GUCY1B1: variants seen among roughly 807,000 people sequenced by gnomAD.
GUCY1B1 encodes the protein guanylate cyclase 1 soluble subunit beta 1, also known as guanylate cyclase soluble subunit beta-1.
GUCY1B1 carries 43 observed loss-of-function variants against 71.0 expected under a neutral mutation model. The observed-to-expected ratio is 0.61, with a 90% CI of 0.47 to 0.78. The LOEUF (loss-of-function observed/expected upper bound fraction) is 0.78. GUCY1B1 is among the 30% of genes least tolerant of loss of function. The pLI is 0.00. For missense variants in GUCY1B1, 535 were observed against 754.1 expected (o/e 0.71, Z 3.40); for synonymous variants, 266 against 259.7 (o/e 1.02, Z -0.23).
rs746722023 is a variant in GUCY1B1, at chr4:155,778,108, TC to T, written c.297+467del. On this transcript the variant is annotated intron_variant, in intron 4 of 13. Transcript: ENST00000264424. ...TGTTTAGGAAAAAGTAGTAGGGTTT[TC>T]AGGTGTTCTGTCACCAAAACATACT... Among the ~76,000 whole-genome samples, 118 of 152,344 alleles carry T rather than the reference TC, an allele frequency of 7.7e-4. 1 individual carries two copies. The highest frequency in any genetic ancestry group is 1.4e-3 in the Non-Finnish European group (96 of 68,022).
chr4:155,776,794 T>C (rs965509929), intron 3 of GUCY1B1, among the ~76,000 whole-genome samples: 1 of 152,166 alleles, frequency 6.6e-6, no homozygotes, highest in East Asian at 1.9e-4. Flanking sequence ...AATATACATA[T>C]TTATATAAAG....
chr4:155,795,142 C>A (rs1387026274), intron 6 of GUCY1B1, among the ~76,000 whole-genome samples, 199 bp from the exon 7 acceptor site: 5 of 152,118 alleles, frequency 3.3e-5, no homozygotes, highest in Non-Finnish European at 7.4e-5. Flanking sequence ...GTTCTTGTAA[C>A]TATTTAATGT....
At chr4:155,799,731 C>T (rs189290642) in intron 8 of GUCY1B1, 146 bp from the exon 9 acceptor site, 73 of 487,388 alleles carry the variant, frequency 1.5e-4, no homozygotes, top group Non-Finnish European at 2.2e-4. Context: ...TCACAATCTT[C>T]GTTCAATTCT....
intron 4 of GUCY1B1, among the ~76,000 whole-genome samples, 194 bp from the exon 5 acceptor site, chr4:155,789,520 A>G (rs13139832): frequency 0.015 from 2,301 of 152,110 alleles, 35 homozygotes; most frequent in South Asian, 0.049. Flanking sequence ...TCTTAATTCT[A>G]CTATCTTAGT....
At position 155,802,865 on chromosome 4, in the gene GUCY1B1, T is replaced by C. The variant is rs1740055185; in HGVS notation, c.1413+286T>C. Among the ~76,000 whole-genome samples the C allele has an allele frequency of 6.6e-6, 1 of 152,250 alleles. No individual in the cohort carries two copies. The highest frequency in any genetic ancestry group is 2.4e-5 in the African/African-American group (1 of 41,476). On this transcript the variant is annotated intron_variant, in intron 10 of 13. Coordinates refer to ENST00000264424, the MANE Select transcript of GUCY1B1 (RefSeq NM_000857.5). The surrounding 1 kb of genome is among the most constrained non-coding windows in gnomAD (Gnocchi z 4.3). Reference sequence around the variant, plus strand: ...CTTAGGCTAACAAATCTGGACAGGCTGTTTATCACATGTAGTATAAACATA... The same window carrying C: ...CTTAGGCTAACAAATCTGGACAGGCCGTTTATCACATGTAGTATAAACATA...
intron 6 of GUCY1B1, among the ~76,000 whole-genome samples, chr4:155,794,896 G>C (rs1739441618): frequency 6.6e-6 from 1 of 152,074 alleles, no homozygotes; most frequent in African/African-American, 2.4e-5. Flanking sequence ...TTAGTTCATT[G>C]TAAGCAATCA....
chr4:155,774,820 G>C, intron 2 of GUCY1B1, 148 bp from the exon 3 acceptor site: 1 of 614,140 alleles, frequency 1.6e-6, no homozygotes, highest in Non-Finnish European at 2.9e-6. Flanking sequence ...AGAATTTTAG[G>C]TACATGATGA....
At chr4:155,785,333 A>C in intron 4 of GUCY1B1, 1 of 1,338,946 alleles carries the variant, frequency 7.5e-7, no homozygotes, top group Non-Finnish European at 1.0e-6. Context: ...CTGCAATGTA[A>C]GAGTTTACAT....
At position 155,794,080 on chromosome 4, in the gene GUCY1B1, C is replaced by T; in HGVS notation, c.720C>T (p.Leu240=). The T allele has an allele frequency of 1.3e-6, 2 of 1,565,304 alleles. No homozygotes were observed. The highest frequency in any genetic ancestry group is 2.2e-5 in the South Asian group (2 of 89,292). Residue 240 remains leucine (L), a synonymous_variant, in exon 6 of 14, where the codon CTC becomes CTT. Transcript: ENST00000264424. ...TQCGNAIYRV[L]PQLQPGNCSL... is the part of the protein sequence containing the mutation. ...GTGGCAATGCTATATACAGAGTTCTCCCCCAGGTAAAATGACAGCATACTT... is the reference window on the plus strand; with the variant it reads ...GTGGCAATGCTATATACAGAGTTCTTCCCCAGGTAAAATGACAGCATACTT...
chr4:155,772,575 C>T (rs529800303), intron 2 of GUCY1B1: 3 of 593,864 alleles, frequency 5.1e-6, no homozygotes, highest in African/African-American at 1.9e-5. Flanking sequence ...CGCCACCACA[C>T]CTGCCTAATT....
chr4:155,787,899 A>G (rs1176130034), intron 4 of GUCY1B1, among the ~76,000 whole-genome samples: 3 of 152,190 alleles, frequency 2.0e-5, no homozygotes, highest in Non-Finnish European at 2.9e-5. Flanking sequence ...TGAAAGCCAT[A>G]GTTTAATTTT....
At chr4:155,766,390 T>C (rs1447671537) in intron 2 of GUCY1B1, among the ~76,000 whole-genome samples, 1 of 152,200 alleles carries the variant, frequency 6.6e-6, no homozygotes, top group Non-Finnish European at 1.5e-5. Flanking sequence ...ATCACTGTAA[T>C]CAAGCCAATT....
intron 5 of GUCY1B1, among the ~76,000 whole-genome samples, chr4:155,790,694 C>G (rs937333595): frequency 6.6e-6 from 1 of 152,196 alleles, no homozygotes; most frequent in Admixed American, 6.5e-5. Context: ...ACCTATTAGA[C>G]AGTTCTTTCT....
chr4:155,769,257 A>C (rs1737544248), intron 2 of GUCY1B1, among the ~76,000 whole-genome samples: 1 of 152,168 alleles, frequency 6.6e-6, no homozygotes, highest in Admixed American at 6.5e-5. Context: ...CCCAAACTGC[A>C]CATGGGATTG....
chr4:155,804,530 A>T (rs532693223), intron 11 of GUCY1B1, 63 bp from the exon 12 acceptor site: 55 of 490,124 alleles, frequency 1.1e-4, no homozygotes, highest in East Asian at 9.3e-4. Context: ...AAAGTAAAAT[A>T]AAAAAAAAAA....
intron 4 of GUCY1B1, chr4:155,785,294 C>T: frequency 2.0e-6 from 3 of 1,472,664 alleles, no homozygotes; most frequent in Non-Finnish European, 1.8e-6. Context: ...TTCAGATTTA[C>T]ATCATTGTTT....
Position 155,802,159 on chromosome 4 carries a change from G to C in GUCY1B1, c.1176-183G>C. ...TGATTAGGATGAACAAATAATTTAT[G>C]TTTTCTGTAAATCCTTGCTTATAAA... On this transcript the variant is annotated intron_variant, in intron 9 of 13. Coordinates refer to ENST00000264424, the MANE Select transcript of GUCY1B1 (RefSeq NM_000857.5). The surrounding 1 kb of genome is among the most constrained non-coding windows in gnomAD (Gnocchi z 4.3). The C allele has an allele frequency of 7.3e-7, 1 of 1,375,648 alleles. No individual in the cohort carries two copies. The highest frequency in any genetic ancestry group is 1.5e-5 in the South Asian group (1 of 66,622). 85.2% of individuals were successfully genotyped at this position (1,375,648 alleles called of 1,614,324 possible).
chr4:155,768,979 A>T (rs1320536461), intron 2 of GUCY1B1, among the ~76,000 whole-genome samples: 1 of 152,110 alleles, frequency 6.6e-6, no homozygotes, highest in Non-Finnish European at 1.5e-5. Flanking sequence ...TTTGATTCTG[A>T]CTAAAAATGA....
Position 155,796,362 on chromosome 4 carries a change from T to C in GUCY1B1, c.844-15T>C. 2 of 1,610,860 alleles carry C rather than the reference T, an allele frequency of 1.2e-6. No individual in the cohort carries two copies. The highest frequency in any genetic ancestry group is 2.7e-5 in the African/African-American group (2 of 74,936). On this transcript the variant is annotated splice_polypyrimidine_tract_variant and intron_variant, in intron 7 of 13. Coordinates refer to ENST00000264424, the MANE Select transcript of GUCY1B1 (RefSeq NM_000857.5). ...AGAAAGGCATTCATTAATGGTTGTA[T>C]CTTGCCTTTTCAAGGAAGGATTGTT... is the stretch of plus-strand genomic sequence containing the variant.
Sources: gnomAD v4.1 joint callset for allele counts (sites outside exome capture counted in the v4.1 genomes callset) on GRCh38, gnomAD v4.1.1 for gene constraint, Gnocchi (gnomAD v3.1) non-coding constraint, MANE v1.5 for transcripts, NCBI Gene and HGNC (gene_info 2026-07-23, HGNC 2026-07-21) for gene names.